Variants in CDH13 observed in about 807,000 individuals in gnomAD.
CDH13 encodes the protein cadherin-13.
A neutral mutation model predicts 63.8 loss-of-function variants in CDH13; 24 were observed. That is an observed-to-expected ratio of 0.38 (90% CI 0.27 to 0.53). CDH13 has a LOEUF of 0.53. Ranked by LOEUF, CDH13 falls within the 20% of genes least tolerant of loss-of-function variation. The pLI, the probability that CDH13 is intolerant of heterozygous loss-of-function variation, is 0.85. For missense variants in CDH13, 1,049 were observed against 903.1 expected (o/e 1.16, Z -2.07); for synonymous variants, 503 against 355.3 (o/e 1.42, Z -4.67).
At chr16:82,866,925 T>C (rs1025639727) in intron 2 of CDH13, among the ~76,000 whole-genome samples, 1 of 152,144 alleles carries the variant, frequency 6.6e-6, no homozygotes, top group African/African-American at 2.4e-5. Flanking sequence ...ATGTGGGGAT[T>C]ATGGGTATGA....
At chr16:82,922,092 G>A (rs372363632) in intron 2 of CDH13, among the ~76,000 whole-genome samples, 1 of 152,158 alleles carries the variant, frequency 6.6e-6, no homozygotes, top group Non-Finnish European at 1.5e-5. Context: ...TTAAATTTCT[G>A]TAAGATCAGT....
chr16:83,446,497 G>A (rs2072692720), intron 6 of CDH13, among the ~76,000 whole-genome samples: 1 of 152,102 alleles, frequency 6.6e-6, no homozygotes, highest in South Asian at 2.1e-4. Flanking sequence ...ATTATTCCCA[G>A]CCGCAGAGAA....
At chr16:83,259,300 G>T (rs951574583) in intron 5 of CDH13, among the ~76,000 whole-genome samples, 2 of 152,190 alleles carry the variant, frequency 1.3e-5, no homozygotes, top group Non-Finnish European at 2.9e-5. Context: ...TTCTCAGCAT[G>T]AAATGGGAGA....
At chr16:82,913,915 C>T (rs9935473) in intron 2 of CDH13, among the ~76,000 whole-genome samples, 5,271 of 152,078 alleles carry the variant, frequency 0.035, 272 homozygotes, top group African/African-American at 0.12. Flanking sequence ...CAGAGTGGTG[C>T]ACACTTAGGG....
intron 5 of CDH13, among the ~76,000 whole-genome samples, chr16:83,321,798 G>A (rs1305075493): frequency 5.3e-5 from 8 of 152,190 alleles, no homozygotes; most frequent in African/African-American, 1.9e-4. Flanking sequence ...AAAGTGCTGG[G>A]ATTACAGGCG....
At chr16:83,343,788 T>C (rs2090778730) in intron 5 of CDH13, among the ~76,000 whole-genome samples, 1 of 152,216 alleles carries the variant, frequency 6.6e-6, no homozygotes. Flanking sequence ...GAGGCAGACT[T>C]CCCAAGGTCA....
At chr16:83,624,068 C>G (rs901694540) in intron 8 of CDH13, among the ~76,000 whole-genome samples, 1 of 152,142 alleles carries the variant, frequency 6.6e-6, no homozygotes, top group African/African-American at 2.4e-5. Context: ...CGTCTAAGCC[C>G]TCAGACAATG....
intron 1 of CDH13, among the ~76,000 whole-genome samples, chr16:82,682,513 C>G (rs993799482): frequency 6.6e-6 from 1 of 152,200 alleles, no homozygotes; most frequent in African/African-American, 2.4e-5. Flanking sequence ...CATTTACTTT[C>G]TCTTAAACTG....
intron 3 of CDH13, among the ~76,000 whole-genome samples, chr16:83,108,615 C>T (rs187266153): frequency 2.0e-5 from 3 of 152,066 alleles, no homozygotes; most frequent in Admixed American, 6.5e-5. Flanking sequence ...AAGAGTTGGT[C>T]GGGAAAGGGT....
intron 1 of CDH13, among the ~76,000 whole-genome samples, chr16:82,676,489 T>TG (rs200255174): frequency 7.2e-6 from 1 of 139,562 alleles, no homozygotes; most frequent in Non-Finnish European, 1.6e-5. Flanking sequence ...ATCATTTCTT[T>TG]TTTTTTTTTT....
intron 8 of CDH13, among the ~76,000 whole-genome samples, chr16:83,660,788 C>G (rs1291199691): frequency 6.6e-6 from 1 of 152,214 alleles, no homozygotes; most frequent in Admixed American, 6.5e-5. Context: ...CTCTCTGCTT[C>G]TCCGAATTAA....
At chr16:83,430,850 G>C (rs970838263) in intron 6 of CDH13, among the ~76,000 whole-genome samples, 6 of 151,360 alleles carry the variant, frequency 4.0e-5, no homozygotes, top group Admixed American at 1.3e-4. Flanking sequence ...AAGTTTTAGG[G>C]TACATGTGCA....
intron 4 of CDH13, among the ~76,000 whole-genome samples, chr16:83,203,019 A>T (rs2039076568): frequency 6.6e-6 from 1 of 152,002 alleles, no homozygotes; most frequent in Admixed American, 6.5e-5. Context: ...TGAGGTCACA[A>T]GTTCGAGACC....
At chr16:82,663,437 G>C (rs924335518) in intron 1 of CDH13, among the ~76,000 whole-genome samples, 3 of 151,886 alleles carry the variant, frequency 2.0e-5, no homozygotes, top group African/African-American at 7.3e-5. Context: ...CACACGCCTC[G>C]GCCTCCCAAA....
At chr16:82,815,452 G>A (rs1444142836) in intron 1 of CDH13, among the ~76,000 whole-genome samples, 1 of 152,170 alleles carries the variant, frequency 6.6e-6, no homozygotes, top group South Asian at 2.1e-4. Flanking sequence ...AGGATTACAC[G>A]AGCTGGTAGT....
chr16:83,359,730 G>C (rs986512698), intron 6 of CDH13, among the ~76,000 whole-genome samples: 1 of 152,194 alleles, frequency 6.6e-6, no homozygotes, highest in African/African-American at 2.4e-5. Flanking sequence ...TCACAAATTT[G>C]CAATTTCAGA....
intron 2 of CDH13, among the ~76,000 whole-genome samples, chr16:82,891,130 T>G (rs1354589611): frequency 6.6e-6 from 1 of 151,322 alleles, no homozygotes; most frequent in East Asian, 2.0e-4. Context: ...TGCCCCAGCC[T>G]CTGTATCAGC....
At chr16:83,651,093 C>G (rs570228767) in intron 8 of CDH13, among the ~76,000 whole-genome samples, 2 of 151,918 alleles carry the variant, frequency 1.3e-5, no homozygotes, top group Non-Finnish European at 2.9e-5. Flanking sequence ...AAAGCAAGAG[C>G]CTGTCTCAAA....
intron 6 of CDH13, among the ~76,000 whole-genome samples, chr16:83,361,640 G>A (rs2091164550): frequency 6.6e-6 from 1 of 152,114 alleles, no homozygotes; most frequent in African/African-American, 2.4e-5. Flanking sequence ...TCATTCTTCT[G>A]AATATGGCTA....
Sources: gnomAD v4.1 joint callset for allele counts (sites outside exome capture counted in the v4.1 genomes callset) on GRCh38, gnomAD v4.1.1 for gene constraint, MANE v1.5 for transcripts, NCBI Gene and HGNC (gene_info 2026-07-23, HGNC 2026-07-21) for gene names.